ENKUR: variants seen among roughly 807,000 people sequenced by gnomAD.
ENKUR encodes the protein enkurin, TRPC channel interacting protein.
A neutral mutation model predicts 27.6 loss-of-function variants in ENKUR; 19 were observed. The observed-to-expected ratio is 0.69, with a 90% CI of 0.48 to 1.01. The LOEUF is 1.01. ENKUR is among the 50% of genes least tolerant of loss of function. The pLI is 0.00. For missense variants in ENKUR, 312 were observed against 310.5 expected (o/e 1.00, Z -0.04); for synonymous variants, 117 against 96.9 (o/e 1.21, Z -1.22).
At chr10:25,005,506 C>A (rs1850291646) in intron 1 of ENKUR, among the ~76,000 whole-genome samples, 1 of 152,044 alleles carries the variant, frequency 6.6e-6, no homozygotes, top group Non-Finnish European at 1.5e-5. Flanking sequence ...CAAGGATTAA[C>A]AACTTTTCTT....
intron 2 of ENKUR, among the ~76,000 whole-genome samples, chr10:25,032,322 G>C (rs867189349): frequency 6.1e-5 from 9 of 148,602 alleles, no homozygotes; most frequent in South Asian, 4.3e-4. Flanking sequence ...GAAGGGGGGG[G>C]GGCTATGATC....
Position 24,984,283 on chromosome 10 carries a change from T to A in ENKUR, c.*87A>T. On this transcript the variant is annotated 3_prime_UTR_variant, in exon 6 of 6. Transcript: ENST00000331161. Reference sequence around the variant, plus strand: ...ATTTGTGGAGCTCAGAAACAATGTGTTGGAGACAGTTTAGAGTAGCAAGAA... The same window carrying A: ...ATTTGTGGAGCTCAGAAACAATGTGATGGAGACAGTTTAGAGTAGCAAGAA... The A allele has an allele frequency of 1.4e-6, 2 of 1,438,636 alleles. No homozygotes were observed. Among genetic ancestry groups the A allele is most frequent in the Non-Finnish European group, 9.5e-7 (1 of 1,050,260 alleles). 89.1% of individuals were successfully genotyped at this position (1,438,636 alleles called of 1,614,324 possible).
chr10:25,042,348 G>A (rs1364333440), intron 2 of ENKUR, among the ~76,000 whole-genome samples: 1 of 151,238 alleles, frequency 6.6e-6, no homozygotes, highest in Non-Finnish European at 1.5e-5. Flanking sequence ...GAGTACAATG[G>A]CATGATCTCA....
chr10:25,055,691 A>G (rs1298586800), intron 2 of ENKUR, among the ~76,000 whole-genome samples: 3 of 152,192 alleles, frequency 2.0e-5, no homozygotes, highest in Non-Finnish European at 2.9e-5. Flanking sequence ...AATTTGGGAT[A>G]CCTTCTATTC....
At chr10:24,996,225 C>A (rs1420731842) in intron 2 of ENKUR, among the ~76,000 whole-genome samples, 1 of 152,184 alleles carries the variant, frequency 6.6e-6, no homozygotes, top group Admixed American at 6.5e-5. Context: ...GAGTCTGAGA[C>A]CAGTCTCGGC....
At chr10:25,018,050 T>C (rs1826744272), upstream of ENKUR, among the ~76,000 whole-genome samples, 1 of 152,204 alleles carries the variant, frequency 6.6e-6, no homozygotes, top group Admixed American at 6.5e-5. Context: ...CAACTGGCCT[T>C]TGGTAGCCTT....
At chr10:24,998,477 C>T (rs915172017) in intron 2 of ENKUR, among the ~76,000 whole-genome samples, 4 of 151,802 alleles carry the variant, frequency 2.6e-5, no homozygotes, top group African/African-American at 9.7e-5. Flanking sequence ...TGGGCTCAAG[C>T]GATCCTTCCA....
At chr10:25,013,374 G>A (rs1421694172) in intron 1 of ENKUR, among the ~76,000 whole-genome samples, 1 of 152,222 alleles carries the variant, frequency 6.6e-6, no homozygotes, top group Non-Finnish European at 1.5e-5. Flanking sequence ...ATAGATTAAT[G>A]AGTTGAGATA....
intron 2 of ENKUR, chr10:25,023,725 A>G (rs780610555): frequency 6.2e-7 from 1 of 1,613,898 alleles, no homozygotes; most frequent in Non-Finnish European, 8.5e-7. Context: ...TCTAAAATTA[A>G]TGAAGACAGA....
At chr10:25,027,521 A>G (rs1352255877) in intron 2 of ENKUR, among the ~76,000 whole-genome samples, 1 of 148,422 alleles carries the variant, frequency 6.7e-6, no homozygotes, top group East Asian at 2.0e-4. Flanking sequence ...CTGGGCAACA[A>G]GAGCAAAACT....
chr10:25,025,753 A>C (rs906269545), intron 2 of ENKUR: 2 of 289,538 alleles, frequency 6.9e-6, no homozygotes, highest in Non-Finnish European at 1.4e-5. Flanking sequence ...TATGTGGACC[A>C]AAATGTCTGG....
intron 2 of ENKUR, among the ~76,000 whole-genome samples, chr10:25,048,712 G>A (rs1326566936): frequency 6.6e-6 from 1 of 152,074 alleles, no homozygotes; most frequent in Non-Finnish European, 1.5e-5. Context: ...ACTTTGCAAA[G>A]GGTGTGCTCA....
At chr10:25,023,399 T>C in intron 2 of ENKUR, 1 of 1,614,166 alleles carries the variant, frequency 6.2e-7, no homozygotes, top group South Asian at 1.1e-5. Flanking sequence ...AAAAATATTA[T>C]CCTGATGGGA....
At chr10:25,028,351 T>C (rs2132771900) in intron 2 of ENKUR, among the ~76,000 whole-genome samples, 2 of 152,284 alleles carry the variant, frequency 1.3e-5, no homozygotes, top group Admixed American at 1.3e-4. Context: ...TCATCAAGTG[T>C]ATATGTTTGC....
At chr10:25,012,083 G>C (rs1351023724) in intron 1 of ENKUR, among the ~76,000 whole-genome samples, 2 of 152,264 alleles carry the variant, frequency 1.3e-5, no homozygotes, top group Admixed American at 6.5e-5. Flanking sequence ...CATTGCTTCA[G>C]AGGGTGCGAG....
chr10:25,023,974 T>C (rs1273819028), intron 2 of ENKUR: 1 of 1,614,082 alleles, frequency 6.2e-7, no homozygotes, highest in Non-Finnish European at 8.5e-7. Context: ...AGCAAAATTC[T>C]TTAGTGAAGC....
intron 2 of ENKUR, among the ~76,000 whole-genome samples, chr10:24,999,043 A>G (rs1398673630): frequency 6.6e-6 from 1 of 152,192 alleles, no homozygotes; most frequent in African/African-American, 2.4e-5. Flanking sequence ...AAGGCCAGAC[A>G]GGGTTTAGAT....
At chr10:24,995,904 C>T (rs1850043322) in intron 2 of ENKUR, 35 bp from the exon 3 acceptor site, 1 of 1,517,588 alleles carries the variant, frequency 6.6e-7, no homozygotes, top group South Asian at 1.2e-5. Flanking sequence ...TAATATTAAA[C>T]TACAAACACT....
intron 4 of ENKUR, among the ~76,000 whole-genome samples, chr10:24,987,957 A>G (rs1343402522): frequency 2.6e-5 from 4 of 152,090 alleles, no homozygotes; most frequent in Admixed American, 2.6e-4. Context: ...AGATTGGCTC[A>G]CGCCTGTAAT....
Sources: allele counts gnomAD v4.1 joint callset (sites outside exome capture counted in the v4.1 genomes callset), GRCh38; gene constraint gnomAD v4.1.1; transcripts MANE v1.5; gene names NCBI Gene and HGNC (gene_info 2026-07-23, HGNC 2026-07-21).